WDFY4: variants seen among roughly 807,000 people sequenced by gnomAD.
WDFY4 encodes the protein WDFY family member 4, also known as WD repeat- and FYVE domain-containing protein 4.
WDFY4 carries 169 observed loss-of-function variants against 351.9 expected under a neutral mutation model. The ratio of observed to expected loss-of-function variants is 0.48; its 90% CI spans 0.42 to 0.55. WDFY4 has a LOEUF of 0.55. Ranked by LOEUF, WDFY4 falls within the 20% of genes least tolerant of loss-of-function variation. The pLI is 0.00. For missense variants in WDFY4, 3,803 were observed against 3,935.6 expected (o/e 0.97, Z 0.90); for synonymous variants, 1,622 against 1,574.6 (o/e 1.03, Z -0.71).
rs934447637 is a variant in WDFY4 at position 48,698,097 on chromosome 10, C to T, written c.-17-11619C>T. Among the ~76,000 whole-genome samples the T allele has an allele frequency of 6.6e-5, 10 of 152,182 alleles. No homozygotes were observed. The South Asian group carries it at 1.2e-3, about 19-fold the overall frequency. ...AGAGCCTCTCCTGTGACCTGCTTCT[C>T]GACAGGCCATCTCTTGGTGTCTCCC... On this transcript the variant is annotated intron_variant, in intron 1 of 61. Transcript: ENST00000325239.
chr10:48,916,609 G>T lies in WDFY4; in HGVS notation c.7586+14746G>T, dbSNP rs1838560326. On this transcript the variant is annotated intron_variant, in intron 47 of 61. Transcript: ENST00000325239. The stretch of plus-strand genomic sequence containing the variant: ...CAACAGATTTAGAAAACAAAATCCA[G>T]CCAGAAGACCAAAAAGTCGGGGGAG... Among the ~76,000 whole-genome samples, 5 of 152,170 alleles carry T rather than the reference G, an allele frequency of 3.3e-5. No individual in the cohort carries two copies. In the South Asian group the frequency reaches 1.0e-3, roughly 32 times the overall value.
intron 31 of WDFY4, among the ~76,000 whole-genome samples, chr10:48,815,400 G>A (rs1277996152): frequency 2.6e-5 from 4 of 151,920 alleles, no homozygotes; most frequent in African/African-American, 9.7e-5. Flanking sequence ...CAGTTTTTCT[G>A]GGTGTGTGGG....
chr10:48,746,034 C>G (rs1312048103), intron 12 of WDFY4: 1 of 168,068 alleles, frequency 5.9e-6, no homozygotes, highest in Non-Finnish European at 1.4e-5. Flanking sequence ...AGCGCACCAC[C>G]ACCTTCCGGC....
intron 23 of WDFY4, among the ~76,000 whole-genome samples, chr10:48,792,811 T>C (rs2066726990): frequency 6.6e-6 from 1 of 152,216 alleles, no homozygotes; most frequent in African/African-American, 2.4e-5. Flanking sequence ...CCAGAAACTC[T>C]GAGCTTCTCA....
intron 47 of WDFY4, among the ~76,000 whole-genome samples, chr10:48,933,238 A>G (rs1840140207): frequency 6.6e-6 from 1 of 152,194 alleles, no homozygotes; most frequent in South Asian, 2.1e-4. Flanking sequence ...AGAGGGGCCT[A>G]GCACTTCCCA....
At chr10:48,817,467 A>C in intron 32 of WDFY4, 58 bp downstream of exon 32, 2 of 1,476,258 alleles carry the variant, frequency 1.4e-6, no homozygotes, top group Non-Finnish European at 1.8e-6. Context: ...TCATCCTTCA[A>C]GGGCAAAGGG....
chr10:48,968,031 G>A (rs938133357), intron 55 of WDFY4: 3 of 152,212 alleles, frequency 2.0e-5, no homozygotes, highest in Non-Finnish European at 2.9e-5. Context: ...GGGACATGAG[G>A]TGCAAACCAC....
At chr10:48,825,540 C>T (rs561007994) in intron 35 of WDFY4, among the ~76,000 whole-genome samples, 4 of 152,356 alleles carry the variant, frequency 2.6e-5, no homozygotes, top group South Asian at 4.1e-4. Context: ...ACCACATCGT[C>T]TTCCATGATG....
At chr10:48,863,906 C>T (rs912581020) in intron 39 of WDFY4, among the ~76,000 whole-genome samples, 2 of 152,014 alleles carry the variant, frequency 1.3e-5, no homozygotes, top group African/African-American at 2.4e-5. Context: ...AAGTGTTGAG[C>T]GAAGTGGGGA....
chr10:48,802,040 G>T (rs948355661), intron 24 of WDFY4, among the ~76,000 whole-genome samples: 3 of 151,948 alleles, frequency 2.0e-5, no homozygotes, highest in African/African-American at 7.3e-5. Context: ...TGCCAGAAAA[G>T]TTACTTAGTC....
chr10:48,979,896 T>G (rs907666997), intron 60 of WDFY4: 2 of 152,170 alleles, frequency 1.3e-5, no homozygotes, highest in Non-Finnish European at 2.9e-5. Flanking sequence ...TCCTAACTAG[T>G]AGAGTACTGA....
chr10:48,943,522 A>C (rs1840890169), intron 49 of WDFY4, 73 bp downstream of exon 49: 2 of 1,474,120 alleles, frequency 1.4e-6, no homozygotes, highest in Non-Finnish European at 1.8e-6. Flanking sequence ...CTAAGTCAGC[A>C]TGCAGAGCCT....
intron 13 of WDFY4, among the ~76,000 whole-genome samples, chr10:48,761,741 G>T (rs929699811): frequency 6.6e-5 from 10 of 152,224 alleles, no homozygotes; most frequent in African/African-American, 2.4e-4. Context: ...GCTGGGCAGA[G>T]TTGAGGAAGG....
At chr10:48,831,617 T>A (rs972483865) in intron 38 of WDFY4, among the ~76,000 whole-genome samples, 1 of 152,250 alleles carries the variant, frequency 6.6e-6, no homozygotes, top group Non-Finnish European at 1.5e-5. Flanking sequence ...TATACATATC[T>A]GGTTTTGTCC....
rs75408414 is a variant in WDFY4 at position 48,824,083 on chromosome 10, A to T, written c.5982+1546A>T. On this transcript the variant is annotated intron_variant, in intron 35 of 61. Transcript: ENST00000325239. ...ACAGATGTTTGGAGATGTATGGACC[A>T]GTCCATGCTAAGGCTACAAATCAGG... The T allele has an allele frequency of 1.1e-4, 107 of 985,418 alleles. 5 individuals are homozygous for T. The East Asian group carries it at 0.012, about 111-fold the overall frequency. The allele number at this position is 985,418 out of a possible 1,614,324, so 61.0% of individuals were successfully genotyped here. A position where few individuals can be genotyped will look rare whatever the true frequency, so the allele number is the denominator to read the frequency against.
Position 48,830,967 on chromosome 10 carries a change from A to G in WDFY4, c.6526+82A>G, listed in dbSNP as rs533655634. 4.3e-6 allele frequency: 6 copies of G among 1,404,262 alleles called. No homozygotes were observed. The African/African-American group carries it at 5.8e-5, about 13-fold the overall frequency. The allele number at this position is 1,404,262 out of a possible 1,614,324, so 87.0% of individuals were successfully genotyped here. A position where few individuals can be genotyped will look rare whatever the true frequency, so the allele number is the denominator to read the frequency against. ...TCCCGCAAGGTTCAACTCAGTGCCT[A>G]GAGCCTTTTCCACCTGGACCCTCTG... On this transcript the variant is annotated intron_variant, in intron 38 of 61. Transcript: ENST00000325239.
At position 48,805,236 on chromosome 10, in the gene WDFY4, C is replaced by T. The variant is rs375370479; in HGVS notation, c.4485-24C>T. On this transcript the variant is annotated intron_variant, in intron 25 of 61. Transcript: ENST00000325239. ...TGGTTCATTCCAGTAAAAGCTTTTACTGTCTCTCTCCTGTACTCACCAGGG... is the reference window on the plus strand; with the variant it reads ...TGGTTCATTCCAGTAAAAGCTTTTATTGTCTCTCTCCTGTACTCACCAGGG... 8.5e-6 allele frequency: 13 copies of T among 1,526,344 alleles called. No individual in the cohort carries two copies. The African/African-American group carries it at 1.7e-4, about 19-fold the overall frequency. The allele number at this position is 1,526,344 out of a possible 1,614,324, so 94.6% of individuals were successfully genotyped here.
Position 48,774,614 on chromosome 10 carries a change from C to T in WDFY4, c.2710C>T (p.Arg904Cys), listed in dbSNP as rs750671752. ...CACCAGTGGCAGCCCCCTCCACTCA[C>T]GCCTCATCAGGATCTTTGAGAAGCT... is the stretch of plus-strand genomic sequence containing the variant. The part of the protein sequence containing the change: ...LVTSGSPLHS[R>C]LIRIFEKLAS... Residue 904 changes from arginine to cysteine, a missense_variant, in exon 14 of 62, where the codon CGC becomes TGC. This residue lies in a region of WDFY4 where 3,054 missense variants were observed against 3,148.6 expected (regional missense o/e 0.97). Transcript: ENST00000325239. The T allele has an allele frequency of 2.8e-5, 43 of 1,551,614 alleles. No homozygotes were observed. Among genetic ancestry groups the T allele is most frequent in the African/African-American group, 4.1e-5 (3 of 73,070 alleles).
rs142268119 is a variant in WDFY4 at position 48,941,291 on chromosome 10, A to G, written c.7587-515A>G. Among the ~76,000 whole-genome samples the G allele has an allele frequency of 2.9e-4, 44 of 152,344 alleles. 1 individual carries two copies. The South Asian group carries it at 8.1e-3, about 28-fold the overall frequency. On this transcript the variant is annotated intron_variant, in intron 47 of 61. Transcript: ENST00000325239. ...TGAAGTTTTTTAGAAACAAACAACA[A>G]AAAAAACTATGTAGGCATATAGGCA...
Sources: gnomAD v4.1 joint callset for allele counts (sites outside exome capture counted in the v4.1 genomes callset) on GRCh38, gnomAD v4.1.1 for gene constraint, gnomAD v4.1.1 regional missense constraint, MANE v1.5 for transcripts, NCBI Gene and HGNC (gene_info 2026-07-23, HGNC 2026-07-21) for gene names.